Variants in TBC1D4 observed in about 807,000 individuals in gnomAD.
TBC1D4 encodes the protein TBC1 domain family member 4.
In TBC1D4, 121 loss-of-function variants were observed where a neutral mutation model predicts 142.5. That is an observed-to-expected ratio of 0.85 (90% CI 0.73 to 0.99). TBC1D4 has a LOEUF of 0.99. Among genes scored for constraint, TBC1D4 ranks in the 50% least tolerant of loss-of-function variants. The pLI is 0.00. For missense variants in TBC1D4, 1,475 were observed against 1,606.6 expected (o/e 0.92, Z 1.40); for synonymous variants, 630 against 628.2 (o/e 1.00, Z -0.04).
intron 1 of TBC1D4, among the ~76,000 whole-genome samples, chr13:75,404,882 G>C (rs1019692511): frequency 1.3e-5 from 2 of 152,126 alleles, no homozygotes; most frequent in African/African-American, 4.8e-5. Context: ...GCAGAGAAAT[G>C]GGGATGGTTA....
In TBC1D4 at chr13:75,299,523, T is replaced by C. The variant is rs764950291; in HGVS notation, c.2963A>G (p.Gln988Arg). The change falls in exon 17 of 21, where the codon CAG (glutamine) becomes CGG (arginine). Residue 988 changes from glutamine (Q) to arginine (R), a missense_variant. This residue lies in a region of TBC1D4 where 1,227 missense variants were observed against 1,267.7 expected (regional missense o/e 0.97). Coordinates refer to ENST00000377636, the MANE Select transcript of TBC1D4 (RefSeq NM_014832.5). ...TTTCAGGAGGTTAAACAGTGACAGC[T>C]GTCCTGGCCCAAGCTGTACTGAAAA... The part of the protein sequence containing the change: ...PYFSVQLGPG[Q>R]LSLFNLLKAY... 1 of 1,614,192 alleles carries C rather than the reference T, an allele frequency of 6.2e-7. No individual in the cohort carries two copies. Among genetic ancestry groups the C allele is most frequent in the Non-Finnish European group, 8.5e-7 (1 of 1,180,020 alleles).
Position 75,306,502 on chromosome 13 carries a change from A to G in TBC1D4, c.2594-31T>C, listed in dbSNP as rs376620394. 4 of 1,610,982 alleles carry G rather than the reference A, an allele frequency of 2.5e-6. No individual in the cohort carries two copies. In the East Asian group the frequency reaches 6.7e-5, roughly 27 times the overall value. On this transcript the variant is annotated intron_variant, in intron 14 of 20. Transcript: ENST00000377636. ...GAAAAAAACAATTTACGTAAGACCAATGTGTTTTTCAAATGTAAAACTTTA... is the reference window on the plus strand; with the variant it reads ...GAAAAAAACAATTTACGTAAGACCAGTGTGTTTTTCAAATGTAAAACTTTA...
chr13:75,298,894 A>G (rs780210570), intron 17 of TBC1D4, among the ~76,000 whole-genome samples: 7 of 152,234 alleles, frequency 4.6e-5, no homozygotes, highest in Admixed American at 2.6e-4. Context: ...AAAGAACCAT[A>G]ACATGGTATC....
chr13:75,445,535 T>C (rs942287982), intron 1 of TBC1D4, among the ~76,000 whole-genome samples: 1 of 152,198 alleles, frequency 6.6e-6, no homozygotes, highest in Non-Finnish European at 1.5e-5. Context: ...TTCTAAACTG[T>C]AAAATCTTCT....
At chr13:75,321,761 T>G (rs1593724067) in intron 11 of TBC1D4, among the ~76,000 whole-genome samples, 1 of 152,282 alleles carries the variant, frequency 6.6e-6, no homozygotes, top group Non-Finnish European at 1.5e-5. Flanking sequence ...AAGACAGGAC[T>G]CTTTTTGAAG....
intron 1 of TBC1D4, among the ~76,000 whole-genome samples, chr13:75,459,370 T>C (rs17064497): frequency 0.13 from 19,856 of 152,152 alleles, 1,460 homozygotes; most frequent in African/African-American, 0.16. Flanking sequence ...TTCTGATTGA[T>C]TGTGTGGCTT....
chr13:75,458,808 G>A (rs987830846), intron 1 of TBC1D4, among the ~76,000 whole-genome samples: 1 of 152,012 alleles, frequency 6.6e-6, no homozygotes, highest in Non-Finnish European at 1.5e-5. Flanking sequence ...AGCTAATATT[G>A]TGAGAAAGGC....
At chr13:75,365,932 G>A (rs890125429) in intron 1 of TBC1D4, among the ~76,000 whole-genome samples, 3 of 152,250 alleles carry the variant, frequency 2.0e-5, no homozygotes, top group South Asian at 2.1e-4. Context: ...GTAAATTCCC[G>A]TTGGTGACTC....
chr13:75,422,652 T>C (rs1276569643), intron 1 of TBC1D4, among the ~76,000 whole-genome samples: 1 of 152,192 alleles, frequency 6.6e-6, no homozygotes, highest in Non-Finnish European at 1.5e-5. Context: ...ACTTTTATGA[T>C]AGTGCCAGTA....
chr13:75,433,823 GA>G (rs887114155), intron 1 of TBC1D4, among the ~76,000 whole-genome samples: 1 of 151,778 alleles, frequency 6.6e-6, no homozygotes, highest in African/African-American at 2.4e-5. Flanking sequence ...ATTTACAAGG[GA>G]AAAACAACCC....
Position 75,326,398 on chromosome 13 carries a change from G to A in TBC1D4, c.1832C>T (p.Pro611Leu), listed in dbSNP as rs1035025390. Residue 611 changes from proline to leucine, a missense_variant, in exon 10 of 21, where the codon CCA becomes CTA. By Grantham distance (98) the Pro-to-Leu change is moderately conservative (BLOSUM62 -3). Around this residue, in one of 2 missense-constraint regions of TBC1D4, gnomAD observed 1,227 missense variants for 1,267.7 expected, o/e 0.97. Coordinates refer to ENST00000377636, the MANE Select transcript of TBC1D4 (RefSeq NM_014832.5). ...EKDYSPGDSP[P>L]GTPPASPPSS... is the part of the protein sequence containing the mutation. ...CGGTGGGGACGCTGGCGGTGTCCCT[G>A]GTGGAGAATCCCCTGGTGAGTAGTC... 1 of 1,614,132 alleles carries A rather than the reference G, an allele frequency of 6.2e-7. No individual in the cohort carries two copies.
At position 75,341,139 on chromosome 13, in the gene TBC1D4, C is replaced by T. The variant is rs377319895; in HGVS notation, c.1597G>A (p.Gly533Arg). 14 of 1,613,116 alleles carry T rather than the reference C, an allele frequency of 8.7e-6. No individual in the cohort carries two copies. Among genetic ancestry groups the T allele is most frequent in the East Asian group, 6.7e-5 (3 of 44,814 alleles). The change falls in exon 7 of 21, where the codon GGG becomes AGG. Residue 533 changes from glycine (G) to arginine (R), a missense_variant. Physicochemically the swap from Gly to Arg is moderately radical, Grantham distance 125. Around this residue, in one of 2 missense-constraint regions of TBC1D4, gnomAD observed 1,227 missense variants for 1,267.7 expected, o/e 0.97. Transcript: ENST00000377636. The part of the protein sequence containing the change: ...EAKQKTHVHI[G>R]EGPSTISNST... Reference sequence around the variant, plus strand: ...TATCTTCTCACAGAAGGGCCTTCCCCGATGTGCACGTGTGTCTTCTGCTTG... The same window carrying T: ...TATCTTCTCACAGAAGGGCCTTCCCTGATGTGCACGTGTGTCTTCTGCTTG...
intron 1 of TBC1D4, among the ~76,000 whole-genome samples, chr13:75,473,855 C>A (rs1457395358): frequency 2.6e-5 from 4 of 152,272 alleles, no homozygotes; most frequent in Admixed American, 6.5e-5. Flanking sequence ...AAAAGATATT[C>A]ATATACTTTA....
At chr13:75,411,418 A>G (rs748759331) in intron 1 of TBC1D4, among the ~76,000 whole-genome samples, 1 of 152,220 alleles carries the variant, frequency 6.6e-6, no homozygotes, top group African/African-American at 2.4e-5. Context: ...AAATGCTTCA[A>G]TGCCAAGGGC....
intron 8 of TBC1D4, 93 bp from the exon 9 acceptor site, chr13:75,327,919 G>A: frequency 4.1e-6 from 5 of 1,233,448 alleles, no homozygotes; most frequent in Non-Finnish European, 5.9e-6. Flanking sequence ...CTTAATGTTA[G>A]CATTAAATTG....
intron 1 of TBC1D4, among the ~76,000 whole-genome samples, chr13:75,423,200 A>C (rs1886238521): frequency 6.6e-6 from 1 of 152,190 alleles, no homozygotes; most frequent in Admixed American, 6.5e-5. Flanking sequence ...GACAGTTTTC[A>C]TATATCTGCA....
At position 75,310,076 on chromosome 13, in the gene TBC1D4, A is replaced by C. The variant is rs1877589063; in HGVS notation, c.2459T>G (p.Phe820Cys). Reference sequence around the variant, plus strand: ...TTCTGGGTCATCCTCCCCAGACAGGAATACAACCAGCGGTTCCTCCTCCAT... The same window carrying C: ...TTCTGGGTCATCCTCCCCAGACAGGCATACAACCAGCGGTTCCTCCTCCAT... The part of the protein sequence containing the change: ...PTMEEEPLVV[F>C]LSGEDDPEKI... The change falls in exon 14 of 21, where the codon TTC becomes TGC. Residue 820 changes from phenylalanine (F) to cysteine (C), a missense_variant. Around this residue, in one of 2 missense-constraint regions of TBC1D4, gnomAD observed 1,227 missense variants for 1,267.7 expected, o/e 0.97. Coordinates refer to ENST00000377636, the MANE Select transcript of TBC1D4 (RefSeq NM_014832.5). The C allele has an allele frequency of 2.5e-6, 4 of 1,614,082 alleles. No homozygotes were observed. Among genetic ancestry groups the C allele is most frequent in the Non-Finnish European group, 3.4e-6 (4 of 1,180,004 alleles).
At chr13:75,408,690 A>C (rs1437134055) in intron 1 of TBC1D4, among the ~76,000 whole-genome samples, 2 of 152,172 alleles carry the variant, frequency 1.3e-5, no homozygotes, top group Non-Finnish European at 2.9e-5. Context: ...TCCCACCAAC[A>C]GTGTATGAGG....
intron 1 of TBC1D4, among the ~76,000 whole-genome samples, chr13:75,458,195 T>A (rs1391921459): frequency 2.0e-5 from 3 of 151,980 alleles, no homozygotes; most frequent in Non-Finnish European, 4.4e-5. Flanking sequence ...TGCAGGTGGA[T>A]CTCTGCAGGA....
Sources: gnomAD v4.1 joint callset for allele counts (sites outside exome capture counted in the v4.1 genomes callset) on GRCh38, gnomAD v4.1.1 for gene constraint, gnomAD v4.1.1 regional missense constraint, MANE v1.5 for transcripts, NCBI Gene and HGNC (gene_info 2026-07-23, HGNC 2026-07-21) for gene names.